Variants in DUSP15 observed in about 807,000 individuals in gnomAD.
DUSP15 encodes dual specificity phosphatase 15, also known as dual specificity protein phosphatase 15.
Under a neutral mutation model 26.3 loss-of-function variants are expected in DUSP15, and 23 were observed. The ratio of observed to expected loss-of-function variants is 0.87; its 90% confidence interval spans 0.63 to 1.24. DUSP15 has a LOEUF of 1.24. Ranked by LOEUF, DUSP15 falls within the 50% of genes most tolerant of loss-of-function variation. DUSP15 has a pLI of 0.00. For missense variants in DUSP15, 364 were observed against 320.6 expected, an observed-to-expected ratio of 1.14 and a Z score of -1.03; for synonymous variants, 143 against 135.5, an observed-to-expected ratio of 1.06 and a Z score of -0.39.
At chr20:31,858,904 T>C (rs539923928), downstream of DUSP15, among the ~76,000 whole-genome samples, 2 of 152,270 alleles carry the variant, frequency 1.3e-5, no homozygotes, top group East Asian at 1.9e-4. This position sits in a 1 kb window ranked among gnomAD's most constrained non-coding sequence, Gnocchi z 4.4. Context: ...TGTAATGAGT[T>C]CCCCCGTGAG....
chr20:31,864,338 C>T, intron 4 of DUSP15: 1 of 1,064,736 alleles, frequency 9.4e-7, no homozygotes, highest in Non-Finnish European at 1.1e-6. Context: ...AATCAGAGCA[C>T]CTGGGCACAA....
At chr20:31,864,354 G>T in intron 4 of DUSP15, 1 of 1,057,992 alleles carries the variant, frequency 9.5e-7, no homozygotes, top group Non-Finnish European at 1.1e-6. Context: ...CACAATGATG[G>T]GCAGCAGCAG....
intron 6 of DUSP15, among the ~76,000 whole-genome samples, chr20:31,852,827 A>G (rs1003128869): frequency 4.5e-4 from 68 of 152,178 alleles, no homozygotes; most frequent in African/African-American, 1.6e-3. Context: ...AAAAAAAAGA[A>G]CTTGGAGGCG....
chr20:31,860,761 G>A (rs60764554), downstream of DUSP15, among the ~76,000 whole-genome samples: 2 of 152,212 alleles, frequency 1.3e-5, no homozygotes, highest in African/African-American at 4.8e-5. Context: ...GGGAGGGGAG[G>A]GGCCCCTCAT....
chr20:31,862,875 C>G, intron 5 of DUSP15, 133 bp from the exon 6 acceptor site: 2 of 892,886 alleles, frequency 2.2e-6, no homozygotes. Flanking sequence ...TCAGGACTTG[C>G]CATCCCACCT....
chr20:31,849,448 C>T (rs2062425659), intron 8 of DUSP15: 2 of 592,358 alleles, frequency 3.4e-6, no homozygotes, highest in South Asian at 1.8e-5. Flanking sequence ...ATTTAATGTG[C>T]CCACTCTCCT....
chr20:31,848,927 C>G, intron 8 of DUSP15: 1 of 1,591,886 alleles, frequency 6.3e-7, no homozygotes, highest in Non-Finnish European at 8.6e-7. Context: ...CACAATTATA[C>G]GACACTGAGA....
downstream of DUSP15, chr20:31,845,686 T>G: frequency 1.1e-6 from 1 of 945,056 alleles, no homozygotes. Context: ...GTGGGTCTGC[T>G]GAGCCATCCT....
At position 31,861,532 on chromosome 20, in the gene DUSP15, G is replaced by C; in HGVS notation, c.579C>G (p.Ser193=). The C allele has an allele frequency of 2.0e-6, 3 of 1,515,078 alleles. No individual in the cohort carries two copies. The highest frequency in any genetic ancestry group is 1.4e-5 in the African/African-American group (1 of 70,072). The allele number at this position is 1,515,078 out of a possible 1,614,324, so 93.9% of individuals were successfully genotyped here. Residue 193 remains serine, a synonymous_variant, in exon 7 of 7, where the codon TCC becomes TCG. Transcript: ENST00000339738. The part of the protein sequence containing the change: ...ASSAGPHSAA[S]EGTVQRLVPR... ...GCACCAGGCGCTGCACGGTTCCCTCGGAGGCTGCTGAGTGCGGCCCGGCGG... is the reference window on the plus strand; with the variant it reads ...GCACCAGGCGCTGCACGGTTCCCTCCGAGGCTGCTGAGTGCGGCCCGGCGG...
upstream of DUSP15, chr20:31,870,536 A>G: frequency 1.4e-6 from 2 of 1,448,612 alleles, no homozygotes; most frequent in South Asian, 1.4e-5. The surrounding 1 kb of genome is among the most constrained non-coding windows in gnomAD (Gnocchi z 6.6). Context: ...ATGGTGGTGG[A>G]GCCGCCGCTG....
chr20:31,869,724 C>T, intron 1 of DUSP15, 127 bp from the exon 2 acceptor site: 1 of 1,519,040 alleles, frequency 6.6e-7, no homozygotes, highest in Non-Finnish European at 8.9e-7. Context: ...TCAGGGAGCA[C>T]TCTCTTCCCT....
chr20:31,859,494 C>T (rs1157614912), downstream of DUSP15, among the ~76,000 whole-genome samples: 1 of 152,174 alleles, frequency 6.6e-6, no homozygotes, highest in African/African-American at 2.4e-5. Flanking sequence ...TGACCAGAGA[C>T]TGGAAGCATT....
At chr20:31,859,136 G>A (rs2062605889), downstream of DUSP15, among the ~76,000 whole-genome samples, 1 of 152,128 alleles carries the variant, frequency 6.6e-6, no homozygotes, top group Non-Finnish European at 1.5e-5. Context: ...CTAGTGGGTG[G>A]TGGAGCCAGG....
chr20:31,861,123 C>T lies in DUSP15; in HGVS notation c.*280G>A, dbSNP rs1257214417. 2 of 1,309,012 alleles carry T rather than the reference C, an allele frequency of 1.5e-6. No homozygotes were observed. The highest frequency in any genetic ancestry group is 1.9e-6 in the Non-Finnish European group (2 of 1,033,952). 81.1% of individuals were successfully genotyped at this position (1,309,012 alleles called of 1,614,324 possible). A position where few individuals can be genotyped will look rare whatever the true frequency, so the allele number is the denominator to read the frequency against. On this transcript the variant is annotated 3_prime_UTR_variant, in exon 7 of 7. Transcript: ENST00000339738. ...CCCTCCAGGCCCGTCAAACCCTCCA[C>T]TCTCCCTCCCTCCCCTCCCGCCGCC...
At position 31,869,581 on chromosome 20, in the gene DUSP15, T is replaced by G. The variant is rs760173244; in HGVS notation, c.38A>C (p.Tyr13Ser). The change falls in exon 2 of 7, where the codon TAC becomes TCC. Residue 13 changes from tyrosine to serine, a missense_variant. Coordinates refer to ENST00000339738, the MANE Select transcript of DUSP15 (RefSeq NM_080611.5). ...NGMTKVLPGL[Y>S]LGNFIDAKDL... Reference sequence around the variant, plus strand: ...GTGCTCACCAATGAAGTTTCCGAGGTAGAGTCCAGGAAGTACCTAGAGGAA... The same window carrying G: ...GTGCTCACCAATGAAGTTTCCGAGGGAGAGTCCAGGAAGTACCTAGAGGAA... 1.9e-6 allele frequency: 3 copies of G among 1,613,310 alleles called. No individual in the cohort carries two copies. The highest frequency in any genetic ancestry group is 8.5e-7 in the Non-Finnish European group (1 of 1,179,746).
chr20:31,854,165 A>G (rs779019585), intron 6 of DUSP15, among the ~76,000 whole-genome samples: 3 of 149,462 alleles, frequency 2.0e-5, no homozygotes. Flanking sequence ...ATTGCACTCA[A>G]TCATGCACTG....
intron 6 of DUSP15, among the ~76,000 whole-genome samples, chr20:31,852,324 T>C (rs1290417295): frequency 6.6e-6 from 1 of 152,190 alleles, no homozygotes; most frequent in Non-Finnish European, 1.5e-5. Flanking sequence ...CCTCCTTTTC[T>C]AGTGGGGAGA....
intron 2 of DUSP15, 133 bp downstream of exon 2, chr20:31,869,431 C>T (rs1283875071): frequency 1.6e-6 from 2 of 1,250,690 alleles, no homozygotes; most frequent in Non-Finnish European, 1.1e-6. Context: ...CAGCCTTTTC[C>T]CCCTCCCAGC....
intron 5 of DUSP15, among the ~76,000 whole-genome samples, chr20:31,863,081 G>A (rs369050642): frequency 2.6e-5 from 4 of 152,150 alleles, no homozygotes; most frequent in Admixed American, 6.5e-5. Flanking sequence ...TGGCTGGGGG[G>A]GGGGGACAGA....
Sources: gnomAD v4.1 joint callset for allele counts (sites outside exome capture counted in the v4.1 genomes callset) on GRCh38, gnomAD v4.1.1 for gene constraint, Gnocchi (gnomAD v3.1) non-coding constraint, MANE v1.5 for transcripts, NCBI Gene and HGNC (gene_info 2026-07-23, HGNC 2026-07-21) for gene names.